Variants in ERICH6B observed in about 807,000 individuals in gnomAD.
ERICH6B encodes glutamate rich 6B.
A neutral mutation model predicts 80.0 loss-of-function variants in ERICH6B; 69 were observed. The observed-to-expected ratio is 0.86, with a 90% CI of 0.71 to 1.05. The LOEUF (loss-of-function observed/expected upper bound fraction) is 1.05, where lower values mean the gene tolerates loss of function less well. Among genes scored for constraint, ERICH6B ranks in the 50% least tolerant of loss-of-function variants. The probability of loss-of-function intolerance (pLI) is 0.00; values close to 1 mark genes in which losing one functional copy is unlikely to be tolerated. For synonymous variants in ERICH6B, 283 were observed against 291.9 expected, an observed-to-expected ratio of 0.97 and a Z score of 0.31; for missense variants, 754 against 796.1, an observed-to-expected ratio of 0.95 and a Z score of 0.64.
intron 7 of ERICH6B, 86 bp from the exon 8 acceptor site, chr13:45,575,016 A>G (rs529395376): frequency 5.5e-5 from 47 of 856,654 alleles, no homozygotes; most frequent in Non-Finnish European, 8.4e-5. Context: ...ATAGAAATAG[A>G]TTGATGGTAT....
Position 45,561,490 on chromosome 13 carries a change from T to A in ERICH6B, c.1286A>T (p.His429Leu). ...CTCAGGTGTTGGTTTGCTCATTAAA[T>A]GAAATGTGAAACTGGTCATCTCTGT... ...KLTEMTSFTF[H>L]LMSKPTPEKP... is the part of the protein sequence containing the mutation. The change falls in exon 11 of 15, where the codon CAT becomes CTT. Residue 429 changes from histidine to leucine, a missense_variant. Transcript: ENST00000298738. 3 of 1,551,944 alleles carry A rather than the reference T, an allele frequency of 1.9e-6. No individual in the cohort carries two copies. Among genetic ancestry groups the A allele is most frequent in the Non-Finnish European group, 2.6e-6 (3 of 1,147,046 alleles).
chr13:45,581,429 T>C (rs1368695933), intron 5 of ERICH6B, among the ~76,000 whole-genome samples: 1 of 152,032 alleles, frequency 6.6e-6, no homozygotes, highest in African/African-American at 2.4e-5. Flanking sequence ...CAGGTTGGAG[T>C]GTAGTGGTGA....
At chr13:45,581,621 C>G (rs1386693760) in intron 5 of ERICH6B, among the ~76,000 whole-genome samples, 1 of 152,220 alleles carries the variant, frequency 6.6e-6, no homozygotes, top group African/African-American at 2.4e-5. Flanking sequence ...AGGTGATCTG[C>G]CTGCCTCAGC....
chr13:45,547,869 C>G (rs753501934), intron 13 of ERICH6B, among the ~76,000 whole-genome samples: 3 of 152,238 alleles, frequency 2.0e-5, no homozygotes, highest in Admixed American at 6.5e-5. Flanking sequence ...GGCCACCCCC[C>G]ACTCCCTAGT....
chr13:45,551,500 G>A (rs1199829135), intron 11 of ERICH6B: 6 of 152,184 alleles, frequency 3.9e-5, no homozygotes, highest in Non-Finnish European at 8.8e-5. Context: ...CTGGCACCCA[G>A]TATTCCCAGG....
chr13:45,608,169 AG>A (rs1949880383), intron 1 of ERICH6B, among the ~76,000 whole-genome samples: 1 of 152,200 alleles, frequency 6.6e-6, no homozygotes, highest in Non-Finnish European at 1.5e-5. Context: ...ACGATTCATT[AG>A]TAAGTCATTG....
rs577813846 is a variant in ERICH6B at position 45,561,036 on chromosome 13, C to T, written c.1407+333G>A. ...GAACTCCTGGGCTCAAGTGATCCTC[C>T]CTCCTCACCCTCCTAAGCAGCTGGG... On this transcript the variant is annotated intron_variant, in intron 11 of 14. Transcript: ENST00000298738. 2.6e-5 allele frequency among the ~76,000 whole-genome samples: 4 copies of T among 152,222 alleles called. No individual in the cohort carries two copies. The South Asian group carries it at 8.3e-4, about 32-fold the overall frequency.
chr13:45,614,874 G>C lies in ERICH6B; in HGVS notation c.-111+811C>G, dbSNP rs1949919065. Among the ~76,000 whole-genome samples, 5 of 152,246 alleles carry C rather than the reference G, an allele frequency of 3.3e-5. No homozygotes were observed. In the South Asian group the frequency reaches 1.0e-3, roughly 32 times the overall value. ...GATGACCTACTTCTGTGAATTCCAT[G>C]GTGCCAGGCCTGGGCTGATCTGGAT... On this transcript the variant is annotated intron_variant, in intron 1 of 14. Transcript: ENST00000298738.
intron 11 of ERICH6B, among the ~76,000 whole-genome samples, chr13:45,554,464 G>A (rs1394564021): frequency 2.0e-5 from 3 of 152,142 alleles, no homozygotes; most frequent in Admixed American, 1.3e-4. Flanking sequence ...CATGGGTAGC[G>A]GGTATTTGTC....
chr13:45,580,151 G>A (rs1392681985), intron 6 of ERICH6B, among the ~76,000 whole-genome samples, 177 bp from the exon 7 acceptor site: 1 of 152,110 alleles, frequency 6.6e-6, no homozygotes. Context: ...TTGGAGGCCC[G>A]CAGAACATGC....
intron 2 of ERICH6B, among the ~76,000 whole-genome samples, chr13:45,598,649 T>TAG (rs1456839158): frequency 2.0e-5 from 3 of 152,062 alleles, no homozygotes; most frequent in Admixed American, 2.0e-4. Context: ...CCCACCCACA[T>TAG]CACTGTTGGA....
chr13:45,562,013 G>A (rs1020804610), intron 10 of ERICH6B, among the ~76,000 whole-genome samples: 7 of 152,248 alleles, frequency 4.6e-5, no homozygotes, highest in African/African-American at 1.7e-4. Flanking sequence ...ACAATGTACA[G>A]GTCTGATGAT....
chr13:45,586,514 C>T (rs1180478348), intron 5 of ERICH6B, among the ~76,000 whole-genome samples: 2 of 152,096 alleles, frequency 1.3e-5, no homozygotes, highest in Non-Finnish European at 2.9e-5. Context: ...TGCAATTTTG[C>T]CGGACTCTCT....
In ERICH6B at chr13:45,604,461, G is replaced by T. The variant is rs1364686962; in HGVS notation, c.-59+3103C>A. Among the ~76,000 whole-genome samples, 10 of 152,130 alleles carry T rather than the reference G, an allele frequency of 6.6e-5. No individual in the cohort carries two copies. In the East Asian group the frequency reaches 1.9e-3, roughly 29 times the overall value. ...GGGGAGGGGAGCTAAGGTTCTGTGT[G>T]GCCAGAACTCTGGCCCCTCCACCCT... is the stretch of plus-strand genomic sequence containing the variant. On this transcript the variant is annotated intron_variant, in intron 2 of 14. Transcript: ENST00000298738.
chr13:45,596,998 G>A lies in ERICH6B; in HGVS notation c.8C>T (p.Ala3Val), dbSNP rs1876425051. 6.5e-7 allele frequency: 1 copy of A among 1,542,300 alleles called. No individual in the cohort carries two copies. The highest frequency in any genetic ancestry group is 8.8e-7 in the Non-Finnish European group (1 of 1,140,842). Reference protein sequence around the residue: MSAENNQLSGASP... With the variant: MSVENNQLSGASP... ...TGCTCCTGATAACTGATTATTTTCA[G>A]CAGACATGCTGGGGAAGTCGTAGGT... The change falls in exon 3 of 15, where the codon GCT becomes GTT. Residue 3 changes from alanine (A) to valine (V), a missense_variant. Ala to Val is a moderately conservative substitution (Grantham distance 64, BLOSUM62 0). Transcript: ENST00000298738.
At chr13:45,542,381 C>T (rs545756395) in intron 14 of ERICH6B, among the ~76,000 whole-genome samples, 16 of 152,334 alleles carry the variant, frequency 1.1e-4, no homozygotes, top group Admixed American at 8.5e-4. Context: ...GGCATGGAGG[C>T]GCCTGTTCTT....
intron 1 of ERICH6B, among the ~76,000 whole-genome samples, chr13:45,611,950 TCC>T (rs1949902186): frequency 6.6e-6 from 1 of 152,236 alleles, no homozygotes; most frequent in African/African-American, 2.4e-5. Flanking sequence ...AGCTACATAG[TCC>T]AACTTGCTTC....
intron 3 of ERICH6B, among the ~76,000 whole-genome samples, chr13:45,594,140 T>A (rs745620564): frequency 6.6e-6 from 1 of 152,254 alleles, no homozygotes; most frequent in Non-Finnish European, 1.5e-5. Context: ...AACATTGATA[T>A]ATTTTTTTGA....
chr13:45,590,982 G>A (rs1364960594), intron 3 of ERICH6B, among the ~76,000 whole-genome samples: 4 of 152,140 alleles, frequency 2.6e-5, no homozygotes, highest in African/African-American at 4.8e-5. Context: ...CTTCTGTATT[G>A]GGATGAAGGA....
Sources: allele counts gnomAD v4.1 joint callset (sites outside exome capture counted in the v4.1 genomes callset), GRCh38; gene constraint gnomAD v4.1.1; transcripts MANE v1.5; gene names NCBI Gene and HGNC (gene_info 2026-07-23, HGNC 2026-07-21).